OPCML: variants seen among roughly 807,000 people sequenced by gnomAD.
OPCML encodes opioid-binding protein/cell adhesion molecule.
OPCML carries 13 observed loss-of-function variants against 37.8 expected under a neutral mutation model. The observed-to-expected ratio is 0.34, with a 90% CI of 0.22 to 0.55. The LOEUF is 0.55. OPCML is among the 20% of genes least tolerant of loss of function. OPCML has a pLI of 0.91. For missense variants in OPCML, 341 were observed against 435.6 expected (o/e 0.78, Z 1.93); for synonymous variants, 176 against 168.8 (o/e 1.04, Z -0.33).
At chr11:132,437,178 G>C (rs1248364099) in intron 5 of OPCML, 44 bp downstream of exon 5, 2 of 1,603,026 alleles carry the variant, frequency 1.2e-6, no homozygotes, top group African/African-American at 1.3e-5. Flanking sequence ...CCTACTCCCT[G>C]TGCCGTCTTT....
rs1565469091 is a variant in OPCML, at chr11:133,141,027, C to CGACGAA, written c.62-198018_62-198017insTTCGTC. 5.6e-3 allele frequency among the ~76,000 whole-genome samples: 42 copies of CGACGAA among 7,470 alleles called. 8 individuals carry two copies. The highest frequency in any genetic ancestry group is 0.012 in the African/African-American group (42 of 3,632). 4.9% of individuals were successfully genotyped at this position (7,470 alleles called of 152,430 possible). ...ACGACGACGACGACGACGACGACGA[C>CGACGAA]GACGACGACGACGACGACGACGAAG... On this transcript the variant is annotated intron_variant, in intron 1 of 7. Transcript: ENST00000524381.
chr11:133,320,025 A>G (rs151328996), intron 1 of OPCML, among the ~76,000 whole-genome samples: 3 of 152,296 alleles, frequency 2.0e-5, no homozygotes, highest in Non-Finnish European at 4.4e-5. Flanking sequence ...TTCGTCCTTG[A>G]TGTTGATGGA....
intron 1 of OPCML, among the ~76,000 whole-genome samples, chr11:133,378,422 A>G (rs1358499303): frequency 2.6e-5 from 4 of 152,126 alleles, no homozygotes; most frequent in Non-Finnish European, 5.9e-5. Flanking sequence ...GGCAGCACAA[A>G]TTCTACTTTT....
At chr11:132,930,507 T>A (rs1272300056) in intron 2 of OPCML, among the ~76,000 whole-genome samples, 3 of 152,148 alleles carry the variant, frequency 2.0e-5, no homozygotes, top group Non-Finnish European at 4.4e-5. Context: ...AAATTAGAAC[T>A]AATAAATTAC....
In OPCML at chr11:132,441,165, G is replaced by GTTTTTTTTTTTTTTTT. The variant is rs68143578; in HGVS notation, c.506-3822_506-3807dup. On this transcript the variant is annotated intron_variant, in intron 4 of 7. Transcript: ENST00000524381. ...AGATGTGTTCACCAAGGACTTTTTT[G>GTTTTTTTTTTTTTTTT]TTTTTTTTTTTTTTTTTTTTGAGAC... is the stretch of plus-strand genomic sequence containing the variant. Among the ~76,000 whole-genome samples, 505 of 72,358 alleles carry GTTTTTTTTTTTTTTTT rather than the reference G, an allele frequency of 7.0e-3. 64 individuals are homozygous for GTTTTTTTTTTTTTTTT. The highest frequency in any genetic ancestry group is 9.8e-3 in the Non-Finnish European group (432 of 43,990). 47.5% of individuals were successfully genotyped at this position (72,358 alleles called of 152,430 possible).
intron 1 of OPCML, among the ~76,000 whole-genome samples, chr11:133,488,673 A>G (rs1215593836): frequency 6.6e-6 from 1 of 152,188 alleles, no homozygotes; most frequent in Non-Finnish European, 1.5e-5. Flanking sequence ...GATTCAATGC[A>G]ATCTTTATCA....
intron 4 of OPCML, among the ~76,000 whole-genome samples, chr11:132,489,431 A>G (rs1225540507): frequency 2.0e-5 from 3 of 152,228 alleles, no homozygotes; most frequent in Admixed American, 6.5e-5. Flanking sequence ...GGTATAGTAA[A>G]TACAAAGACC....
At chr11:132,636,267 T>C (rs1433085234) in intron 3 of OPCML, among the ~76,000 whole-genome samples, 1 of 152,244 alleles carries the variant, frequency 6.6e-6, no homozygotes, top group African/African-American at 2.4e-5. Flanking sequence ...TGAATAGTTA[T>C]GTATTAGTAA....
chr11:132,417,535 G>A lies in OPCML; in HGVS notation c.*2658C>T, dbSNP rs2136632799. 6.6e-6 allele frequency: 1 copy of A among 152,356 alleles called. No individual in the cohort carries two copies. The highest frequency in any genetic ancestry group is 1.5e-5 in the Non-Finnish European group (1 of 68,084). The allele number at this position is 152,356 out of a possible 1,614,324, so 9.4% of individuals were successfully genotyped here. On this transcript the variant is annotated 3_prime_UTR_variant, in exon 8 of 8. Transcript: ENST00000524381. ...GGGTTCCATAGTGGCCCTGAAGCCA[G>A]CCTTGTTGGGTTGAGAGGTTCTGAT...
In OPCML at chr11:132,653,798, T is replaced by C. The variant is rs563507059; in HGVS notation, c.379+3289A>G. On this transcript the variant is annotated intron_variant, in intron 3 of 7. Coordinates refer to ENST00000524381, the MANE Select transcript of OPCML (RefSeq NM_001012393.5). The stretch of plus-strand genomic sequence containing the variant: ...ACTCCCTTCTGCTGATGGCATCTGG[T>C]TGGCAGAAGAAATGAGATACCCACC... 9.2e-5 allele frequency among the ~76,000 whole-genome samples: 14 copies of C among 152,290 alleles called. No homozygotes were observed. In the South Asian group the frequency reaches 2.9e-3, roughly 32 times the overall value.
At chr11:133,106,516 C>A (rs1949160133) in intron 1 of OPCML, among the ~76,000 whole-genome samples, 1 of 152,194 alleles carries the variant, frequency 6.6e-6, no homozygotes, top group African/African-American at 2.4e-5. Context: ...ATAACAAACT[C>A]CCCTAGCAGT....
chr11:132,919,336 A>C (rs1247088182), intron 2 of OPCML, among the ~76,000 whole-genome samples: 2 of 152,178 alleles, frequency 1.3e-5, no homozygotes, highest in Non-Finnish European at 2.9e-5. Flanking sequence ...AGAAATTCAC[A>C]TGTGCAGACA....
At chr11:133,479,684 C>T (rs1591545671) in intron 1 of OPCML, among the ~76,000 whole-genome samples, 1 of 152,310 alleles carries the variant, frequency 6.6e-6, no homozygotes, top group East Asian at 1.9e-4. Context: ...GGGGTCCTCA[C>T]CCATTTGGGC....
intron 2 of OPCML, among the ~76,000 whole-genome samples, chr11:132,674,167 C>T (rs1181418059): frequency 3.9e-5 from 6 of 152,166 alleles, no homozygotes; most frequent in Non-Finnish European, 7.3e-5. Flanking sequence ...CACTAACAGT[C>T]TCCTCTAGGC....
At position 133,041,778 on chromosome 11, in the gene OPCML, C is replaced by T. The variant is rs1040681004; in HGVS notation, c.62-98768G>A. Reference sequence around the variant, plus strand: ...GGAGAATGTACTTAAAAAGACAAAACCTCCCTGAAGTCACAGCATTTCTGA... The same window carrying T: ...GGAGAATGTACTTAAAAAGACAAAATCTCCCTGAAGTCACAGCATTTCTGA... On this transcript the variant is annotated intron_variant, in intron 1 of 7. Coordinates refer to ENST00000524381, the MANE Select transcript of OPCML (RefSeq NM_001012393.5). Among the ~76,000 whole-genome samples, 19 of 152,186 alleles carry T rather than the reference C, an allele frequency of 1.2e-4. No homozygotes were observed. In the East Asian group the frequency reaches 3.1e-3, roughly 25 times the overall value.
At chr11:133,162,844 A>G (rs1352239182) in intron 1 of OPCML, among the ~76,000 whole-genome samples, 1 of 152,218 alleles carries the variant, frequency 6.6e-6, no homozygotes, top group African/African-American at 2.4e-5. Context: ...CTGAAAACCA[A>G]GAAATCCTTC....
chr11:132,913,311 G>A (rs1262975284), intron 2 of OPCML, among the ~76,000 whole-genome samples: 5 of 152,128 alleles, frequency 3.3e-5, no homozygotes, highest in Non-Finnish European at 5.9e-5. Context: ...ATTAATGGAG[G>A]ACTATTACTG....
rs10894661 is a variant in OPCML, at chr11:133,211,499, G to C, written c.62-268489C>G. ...GAGTCCTTGGAGATACCCCTCCTCA[G>C]ACACTGTTGCATATAAGTCAGAGGA... On this transcript the variant is annotated intron_variant, in intron 1 of 7. Transcript: ENST00000524381. This position sits in a 1 kb window ranked among gnomAD's most constrained non-coding sequence, Gnocchi z 4.1. Among the ~76,000 whole-genome samples the C allele has an allele frequency of 0.38, 57,904 of 152,048 alleles. 11,639 individuals are homozygous for C. The highest frequency in any genetic ancestry group is 0.45 in the African/African-American group (18,785 of 41,454).
intron 1 of OPCML, among the ~76,000 whole-genome samples, chr11:133,134,551 G>A (rs1235740857): frequency 6.6e-6 from 1 of 152,148 alleles, no homozygotes; most frequent in African/African-American, 2.4e-5. Flanking sequence ...AGGGGAACTG[G>A]GCAGTCACCC....
Sources: allele counts gnomAD v4.1 joint callset (sites outside exome capture counted in the v4.1 genomes callset), GRCh38; gene constraint gnomAD v4.1.1; non-coding constraint Gnocchi (gnomAD v3.1); transcripts MANE v1.5; gene names NCBI Gene and HGNC (gene_info 2026-07-23, HGNC 2026-07-21).